The following UGT2B7 variants were observed in gnomAD, a reference collection of about 807,000 sequenced individuals.
The protein encoded by UGT2B7 is UDP glucuronosyltransferase family 2 member B7.
A neutral mutation model predicts 51.9 loss-of-function variants in UGT2B7; 51 were observed. That is an observed-to-expected ratio of 0.98 (90% CI 0.78 to 1.24). The LOEUF (loss-of-function observed/expected upper bound fraction) is 1.24. Among genes scored for constraint, UGT2B7 ranks in the 50% most tolerant of loss-of-function variants. The pLI, the probability that UGT2B7 is intolerant of heterozygous loss-of-function variation, is 0.00. For synonymous variants in UGT2B7, 225 were observed against 211.6 expected, an observed-to-expected ratio of 1.06 and a Z score of -0.55; for missense variants, 727 against 628.4, an observed-to-expected ratio of 1.16 and a Z score of -1.68.
intron 1 of UGT2B7, among the ~76,000 whole-genome samples, chr4:69,082,317 A>C (rs1258050982): frequency 6.6e-6 from 1 of 152,050 alleles, no homozygotes; most frequent in African/African-American, 2.4e-5. Context: ...GAAATAATTA[A>C]GGAACATGAG....
At chr4:69,077,283 T>G (rs966513023) in intron 1 of UGT2B7, among the ~76,000 whole-genome samples, 7 of 130,030 alleles carry the variant, frequency 5.4e-5, no homozygotes, top group African/African-American at 2.2e-4. Flanking sequence ...TGGTTCCATA[T>G]GAAGTTTAAA....
At chr4:69,079,905 T>G (rs185126089) in intron 1 of UGT2B7, among the ~76,000 whole-genome samples, 58 of 152,260 alleles carry the variant, frequency 3.8e-4, no homozygotes, top group African/African-American at 1.3e-3. Context: ...AATCCTAGCA[T>G]TCCTGAGTTT....
chr4:69,108,611 A>G (rs1374240005), intron 5 of UGT2B7, among the ~76,000 whole-genome samples: 3 of 152,106 alleles, frequency 2.0e-5, no homozygotes, highest in Non-Finnish European at 2.9e-5. Flanking sequence ...TAATTAATCC[A>G]TAGAAGAAAG....
chr4:69,054,157 A>AT (rs1196073022), intron 1 of UGT2B7, among the ~76,000 whole-genome samples: 1 of 152,040 alleles, frequency 6.6e-6, no homozygotes, highest in Non-Finnish European at 1.5e-5. Flanking sequence ...AAAAAAAAAA[A>AT]AACTCATGTC....
At chr4:69,105,591 T>C (rs2109891424) in intron 3 of UGT2B7, among the ~76,000 whole-genome samples, 1 of 152,318 alleles carries the variant, frequency 6.6e-6, no homozygotes, top group African/African-American at 2.4e-5. Context: ...TTCAGCAAGA[T>C]ACAATTTTGA....
chr4:69,067,237 G>T (rs1226683373), intron 1 of UGT2B7, among the ~76,000 whole-genome samples: 1 of 152,066 alleles, frequency 6.6e-6, no homozygotes, highest in Non-Finnish European at 1.5e-5. Flanking sequence ...CAGAGGACTT[G>T]GTGCATCTTC....
chr4:69,077,576 C>T (rs1433486743), intron 1 of UGT2B7, among the ~76,000 whole-genome samples: 4 of 135,508 alleles, frequency 3.0e-5, no homozygotes, highest in Admixed American at 1.4e-4. Flanking sequence ...CATGATTTGG[C>T]TCTCTTTTTT....
At chr4:69,077,762 C>CT (rs1230368391) in intron 1 of UGT2B7, among the ~76,000 whole-genome samples, 1 of 152,076 alleles carries the variant, frequency 6.6e-6, no homozygotes, top group Admixed American at 6.6e-5. Context: ...TATTTGAATA[C>CT]TTTTTATTTC....
chr4:69,059,682 C>A (rs1371392578), intron 1 of UGT2B7, among the ~76,000 whole-genome samples: 2 of 152,062 alleles, frequency 1.3e-5, no homozygotes, highest in African/African-American at 2.4e-5. Context: ...CTCCCTGAGG[C>A]CATACTGGGT....
chr4:69,061,830 C>T (rs1202709251), intron 1 of UGT2B7, among the ~76,000 whole-genome samples: 1 of 152,172 alleles, frequency 6.6e-6, no homozygotes, highest in Admixed American at 6.5e-5. Flanking sequence ...CTGTGAAAAC[C>T]TGCTTATGGA....
At chr4:69,077,958 T>C (rs563998261) in intron 1 of UGT2B7, among the ~76,000 whole-genome samples, 45 of 152,336 alleles carry the variant, frequency 3.0e-4, no homozygotes, top group African/African-American at 1.0e-3. Context: ...GTTCCATCAA[T>C]ACCTAGCTTA....
chr4:69,059,761 C>G (rs182645949), intron 1 of UGT2B7, among the ~76,000 whole-genome samples: 2 of 152,328 alleles, frequency 1.3e-5, no homozygotes, highest in Non-Finnish European at 2.9e-5. Context: ...TGGAACACCC[C>G]TCTCTTGCCA....
chr4:69,066,437 C>T (rs1718485551), intron 1 of UGT2B7: 1 of 151,936 alleles, frequency 6.6e-6, no homozygotes, highest in Non-Finnish European at 1.5e-5. Context: ...TACCTTAGTA[C>T]CAATATTCAC....
At chr4:69,055,235 TA>T (rs887595453) in intron 1 of UGT2B7, among the ~76,000 whole-genome samples, 3 of 148,796 alleles carry the variant, frequency 2.0e-5, no homozygotes, top group African/African-American at 7.4e-5. Flanking sequence ...AGTTACACAG[TA>T]AAAAAATAAG....
At chr4:69,091,103 C>T (rs1236920168) in intron 2 of UGT2B7, among the ~76,000 whole-genome samples, 1 of 152,176 alleles carries the variant, frequency 6.6e-6, no homozygotes, top group East Asian at 1.9e-4. Flanking sequence ...AAGCTTTCAT[C>T]TCATATCATG....
chr4:69,083,351 C>T (rs1204211946), intron 1 of UGT2B7, among the ~76,000 whole-genome samples: 1 of 151,996 alleles, frequency 6.6e-6, no homozygotes, highest in Non-Finnish European at 1.5e-5. Flanking sequence ...ATTGTGATTT[C>T]TGTGATTAAT....
intron 1 of UGT2B7, among the ~76,000 whole-genome samples, chr4:69,063,469 T>C (rs1357388511): frequency 6.6e-6 from 1 of 152,040 alleles, no homozygotes; most frequent in East Asian, 1.9e-4. Flanking sequence ...GTACTTGAAA[T>C]CATCACTAAT....
intron 1 of UGT2B7, among the ~76,000 whole-genome samples, chr4:69,062,610 C>A (rs1426813169): frequency 6.6e-6 from 1 of 152,098 alleles, no homozygotes; most frequent in African/African-American, 2.4e-5. Context: ...GACCAGTGGA[C>A]CAACCAGCAG....
At position 69,096,944 on chromosome 4, in the gene UGT2B7, G is replaced by C. The variant is rs780479998; in HGVS notation, c.424G>C (p.Glu142Gln). 3 of 1,612,346 alleles carry C rather than the reference G, an allele frequency of 1.9e-6. No individual in the cohort carries two copies. In the Admixed American group the frequency reaches 5.0e-5, roughly 27 times the overall value. Reference sequence around the variant, plus strand: ...TAAGAAATTTATGAAAAAAGTACAAGAGTCAAGATTTGACGTCATTTTTGC... The same window carrying C: ...TAAGAAATTTATGAAAAAAGTACAACAGTCAAGATTTGACGTCATTTTTGC... The part of the protein sequence containing the change: ...SNKKFMKKVQ[E>Q]SRFDVIFADA... The change falls in exon 1 of 6, where the codon GAG (glutamate) becomes CAG (glutamine). Residue 142 changes from glutamate (E) to glutamine (Q), a missense_variant. Physicochemically the swap from Glu to Gln is conservative, Grantham distance 29 (BLOSUM62 2). Coordinates refer to ENST00000305231, the MANE Select transcript of UGT2B7 (RefSeq NM_001074.4).
Sources: gnomAD v4.1 joint callset for allele counts (sites outside exome capture counted in the v4.1 genomes callset) on GRCh38, gnomAD v4.1.1 for gene constraint, MANE v1.5 for transcripts, NCBI Gene and HGNC (gene_info 2026-07-23, HGNC 2026-07-21) for gene names.